Variants in CENPE observed in about 807,000 individuals in gnomAD.
CENPE encodes centromere-associated protein E.
In CENPE, 145 loss-of-function variants were observed where a neutral mutation model predicts 336.1. That is an observed-to-expected ratio of 0.43 (90% CI 0.38 to 0.50). The LOEUF (loss-of-function observed/expected upper bound fraction) is 0.50. Ranked by LOEUF, CENPE falls within the 20% of genes least tolerant of loss-of-function variation. The pLI is 0.00. For synonymous variants in CENPE, 1,013 were observed against 984.8 expected, an observed-to-expected ratio of 1.03 and a Z score of -0.54; for missense variants, 2,719 against 3,023.3, an observed-to-expected ratio of 0.90 and a Z score of 2.36.
Position 103,132,849 on chromosome 4 carries a change from A to G in CENPE, c.6768T>C (p.Thr2256=), listed in dbSNP as rs1751710262. Residue 2256 remains threonine (T), a synonymous_variant, in exon 42 of 49, where the codon ACT becomes ACC. Coordinates refer to ENST00000265148, the MANE Select transcript of CENPE (RefSeq NM_001813.3). The part of the protein sequence containing the change: ...FSESEFPSIK[T]EFQQVLSNRK... ...TATTACTTAGTACTTGTTGAAATTC[A>G]GTCTTTATGCTAGGGAACTCACTTT... 1 of 1,565,838 alleles carries G rather than the reference A, an allele frequency of 6.4e-7. No individual in the cohort carries two copies. Among genetic ancestry groups the G allele is most frequent in the South Asian group, 1.2e-5 (1 of 81,954 alleles).
intron 25 of CENPE, among the ~76,000 whole-genome samples, chr4:103,152,347 T>A (rs1578618121): frequency 1.3e-5 from 2 of 152,230 alleles, no homozygotes; most frequent in East Asian, 3.9e-4. Context: ...ATGGCTAAAA[T>A]TAAAAGCACC....
rs753307774 is a variant in CENPE, at chr4:103,153,213, T to C, written c.3071A>G (p.Lys1024Arg). The C allele has an allele frequency of 6.2e-7, 1 of 1,612,808 alleles. No homozygotes were observed. Among genetic ancestry groups the C allele is most frequent in the Non-Finnish European group, 8.5e-7 (1 of 1,179,478 alleles). ...ATCTGCAGTTAGTGTTTGGGTATTTTTAGCTTCCAAATCCTGTTTTTTATC... is the reference window on the plus strand; with the variant it reads ...ATCTGCAGTTAGTGTTTGGGTATTTCTAGCTTCCAAATCCTGTTTTTTATC... ...GIDKKQDLEA[K>R]NTQTLTADVK... The change falls in exon 25 of 49, where the codon AAA (lysine) becomes AGA (arginine). Residue 1024 changes from lysine to arginine, a missense_variant. Transcript: ENST00000265148.
At chr4:103,127,124 C>G in intron 42 of CENPE, among the ~76,000 whole-genome samples, 1 of 147,838 alleles carries the variant, frequency 6.8e-6, no homozygotes, top group Non-Finnish European at 1.5e-5. Flanking sequence ...CAAAAAAACC[C>G]CCGAAAAAAA....
Position 103,145,618 on chromosome 4 carries a change from T to G in CENPE, c.4477A>C (p.Ile1493Leu). 6 of 1,609,710 alleles carry G rather than the reference T, an allele frequency of 3.7e-6. No individual in the cohort carries two copies. Among genetic ancestry groups the G allele is most frequent in the Non-Finnish European group, 5.1e-6 (6 of 1,178,218 alleles). Residue 1493 changes from isoleucine (I) to leucine (L), a missense_variant, in exon 31 of 49, where the codon ATT (isoleucine) becomes CTT (leucine). Around this residue, in one of 5 missense-constraint regions of CENPE, gnomAD observed 2,437 missense variants for 2,513.3 expected, o/e 0.97. Transcript: ENST00000265148. The part of the protein sequence containing the change: ...HCCLKEQEET[I>L]NELRVNLSEK... ...GAAAGATTCACTCTTAACTCATTAATAGTTTCCTCTTGTTCTTTCAGGCAA... is the reference window on the plus strand; with the variant it reads ...GAAAGATTCACTCTTAACTCATTAAGAGTTTCCTCTTGTTCTTTCAGGCAA...
chr4:103,182,473 C>T (rs561927216), intron 11 of CENPE, among the ~76,000 whole-genome samples: 1 of 152,008 alleles, frequency 6.6e-6, no homozygotes, highest in African/African-American at 2.4e-5. Context: ...ATTGATAGGA[C>T]TAATATTAAA....
Position 103,177,141 on chromosome 4 carries a change from T to A in CENPE, c.1243-95A>T, listed in dbSNP as rs192726927. 2.1e-5 allele frequency: 21 copies of A among 1,017,582 alleles called. No individual in the cohort carries two copies. The Admixed American group carries it at 4.4e-4, about 21-fold the overall frequency. 63.0% of individuals were successfully genotyped at this position (1,017,582 alleles called of 1,614,324 possible). ...TTTCTATTTTTGAAAACCATTGACT[T>A]GGTAGAATTCTTATTAAGCCTAGTT... On this transcript the variant is annotated intron_variant, in intron 13 of 48. Coordinates refer to ENST00000265148, the MANE Select transcript of CENPE (RefSeq NM_001813.3).
Position 103,123,107 on chromosome 4 carries a change from ACC to A in CENPE, c.6925-20_6925-19del, listed in dbSNP as rs747049261. ...ATTATGGCCTATTGAACAGTAAAAT[ACC>A]ATTATAGCTCTAAAACGATTTATAG... On this transcript the variant is annotated intron_variant, in intron 42 of 48. Transcript: ENST00000265148. The A allele has an allele frequency of 1.4e-5, 22 of 1,581,082 alleles. No individual in the cohort carries two copies. In the South Asian group the frequency reaches 2.3e-4, roughly 17 times the overall value.
rs769413248 is a variant in CENPE, at chr4:103,159,225, C to T, written c.2386G>A (p.Glu796Lys). ...TCATCTTTTGTTTTCCCAATTTCTT[C>T]AAGTAAACCTTGAACTCTACTCTCC... ...HKESRVQGLL[E>K]EIGKTKDDLA... is the part of the protein sequence containing the mutation. Residue 796 changes from glutamate (E) to lysine (K), a missense_variant, in exon 22 of 49, where the codon GAA (glutamate) becomes AAA (lysine). This residue lies in a region of CENPE where 2,437 missense variants were observed against 2,513.3 expected (regional missense o/e 0.97). Coordinates refer to ENST00000265148, the MANE Select transcript of CENPE (RefSeq NM_001813.3). The T allele has an allele frequency of 4.3e-6, 7 of 1,612,300 alleles. No homozygotes were observed. In the Admixed American group the frequency reaches 1.2e-4, roughly 27 times the overall value.
At position 103,161,275 on chromosome 4, in the gene CENPE, G is replaced by A. The variant is rs1754418541; in HGVS notation, c.1966-24C>T. On this transcript the variant is annotated intron_variant, in intron 19 of 48. Transcript: ENST00000265148. ...TTCTATTGAGAAAAACATTGCAAAT[G>A]CACAAAAATACACTGATCATTACAA... 2.5e-6 allele frequency: 4 copies of A among 1,604,082 alleles called. No individual in the cohort carries two copies. The Admixed American group carries it at 5.1e-5, about 21-fold the overall frequency.
intron 33 of CENPE, among the ~76,000 whole-genome samples, chr4:103,143,971 C>T (rs1752778532): frequency 1.3e-5 from 2 of 151,944 alleles, no homozygotes; most frequent in African/African-American, 4.8e-5. Context: ...GAGTCTTGCT[C>T]TGTCGCCCAG....
At chr4:103,155,991 T>C in intron 24 of CENPE, among the ~76,000 whole-genome samples, 1 of 152,150 alleles carries the variant, frequency 6.6e-6, no homozygotes, top group Admixed American at 6.6e-5. Flanking sequence ...CAATTTTATG[T>C]ATAATAGCAT....
In CENPE at chr4:103,154,091, T is replaced by C. The variant is rs7686341; in HGVS notation, c.3034-841A>G. On this transcript the variant is annotated intron_variant, in intron 24 of 48. Transcript: ENST00000265148. Reference sequence around the variant, plus strand: ...TTGCTGGTACAAATTTAGGGTATTATTGTATGACATTACACTAGTTCAGCA... The same window carrying C: ...TTGCTGGTACAAATTTAGGGTATTACTGTATGACATTACACTAGTTCAGCA... Among the ~76,000 whole-genome samples, 230 of 152,274 alleles carry C rather than the reference T, an allele frequency of 1.5e-3. 2 individuals carry two copies. The highest frequency in any genetic ancestry group is 5.3e-3 in the African/African-American group (222 of 41,558).
chr4:103,110,482 T>C (rs1172889858), intron 47 of CENPE, among the ~76,000 whole-genome samples: 3 of 152,114 alleles, frequency 2.0e-5, no homozygotes, highest in African/African-American at 7.2e-5. Context: ...GTTTATAAAG[T>C]AAAAAGCCTA....
chr4:103,156,133 A>C (rs1226854012), intron 24 of CENPE, among the ~76,000 whole-genome samples: 1 of 152,222 alleles, frequency 6.6e-6, no homozygotes, highest in East Asian at 1.9e-4. Context: ...ATGGATTAGA[A>C]GACAATATTT....
chr4:103,195,443 A>G (rs1285281945), intron 4 of CENPE, among the ~76,000 whole-genome samples: 1 of 152,136 alleles, frequency 6.6e-6, no homozygotes, highest in Non-Finnish European at 1.5e-5. Flanking sequence ...CTGGGAGAAC[A>G]CCAACTCTAG....
chr4:103,195,694 T>C (rs1213339316), intron 4 of CENPE, among the ~76,000 whole-genome samples: 1 of 152,162 alleles, frequency 6.6e-6, no homozygotes, highest in Non-Finnish European at 1.5e-5. Context: ...GAGAGTATTA[T>C]TGTTGCAGAA....
At chr4:103,196,735 C>T (rs890935336) in intron 2 of CENPE, 24 bp downstream of exon 2, 10 of 1,100,648 alleles carry the variant, frequency 9.1e-6, no homozygotes, top group Admixed American at 8.1e-5. Context: ...AACAAGGTAA[C>T]TTTTGATGCT....
At chr4:103,113,824 C>T (rs1290730206) in intron 46 of CENPE, among the ~76,000 whole-genome samples, 1 of 150,998 alleles carries the variant, frequency 6.6e-6, no homozygotes, top group South Asian at 2.1e-4. Context: ...AGATCTGCAT[C>T]TTAGTTCAGT....
Position 103,111,009 on chromosome 4 carries a change from T to C in CENPE, c.7543A>G (p.Ile2515Val). Residue 2515 changes from isoleucine (I) to valine (V), a missense_variant and splice_region_variant, in exon 47 of 49, where the codon ATA (isoleucine) becomes GTA (valine). Around this residue, in one of 5 missense-constraint regions of CENPE, gnomAD observed 2,437 missense variants for 2,513.3 expected, o/e 0.97. Coordinates refer to ENST00000265148, the MANE Select transcript of CENPE (RefSeq NM_001813.3). ...GGCTGAGGATCAGTATGTTCTGATA[T>C]CACTGTGGGAGGAAAATATACAAAT... ...RSQQAQDTSV[I>V]SEHTDPQPSN... 6.4e-7 allele frequency: 1 copy of C among 1,564,336 alleles called. No individual in the cohort carries two copies. Among genetic ancestry groups the C allele is most frequent in the South Asian group, 1.2e-5 (1 of 82,854 alleles).
Sources: allele counts gnomAD v4.1 joint callset (sites outside exome capture counted in the v4.1 genomes callset), GRCh38; gene constraint gnomAD v4.1.1; regional missense constraint gnomAD v4.1.1; transcripts MANE v1.5; gene names NCBI Gene and HGNC (gene_info 2026-07-23, HGNC 2026-07-21).